Variants in TSPAN13 observed in about 807,000 individuals in gnomAD.
The protein encoded by TSPAN13 is tetraspanin-13.
Under a neutral mutation model 26.9 loss-of-function variants are expected in TSPAN13, and 18 were observed. The ratio of observed to expected loss-of-function variants is 0.67; its 90% CI spans 0.46 to 0.99. The LOEUF is 0.99. Among genes scored for constraint, TSPAN13 ranks in the 50% least tolerant of loss-of-function variants. The pLI, the probability that TSPAN13 is intolerant of heterozygous loss-of-function variation, is 0.00. For missense variants in TSPAN13, 201 were observed against 249.6 expected, an observed-to-expected ratio of 0.81 and a Z score of 1.31; for synonymous variants, 116 against 98.4, an observed-to-expected ratio of 1.18 and a Z score of -1.06.
In TSPAN13 at chr7:16,776,219, T is replaced by C; in HGVS notation, c.72T>C (p.Ser24=). The C allele has an allele frequency of 1.2e-6, 2 of 1,614,022 alleles. No homozygotes were observed. The highest frequency in any genetic ancestry group is 1.7e-6 in the Non-Finnish European group (2 of 1,179,938). The change falls in exon 2 of 6, where the codon AGT becomes AGC. Residue 24 remains serine (S), a synonymous_variant. Transcript: ENST00000262067. ...CALNLLYTLV[S]LLLIGIAAWG... is the part of the protein sequence containing the mutation. ...CCTGGGTGTTTTTGCAGTTGGTTAGTCTGCTGCTAATTGGAATTGCTGCGT... is the reference window on the plus strand; with the variant it reads ...CCTGGGTGTTTTTGCAGTTGGTTAGCCTGCTGCTAATTGGAATTGCTGCGT...
At chr7:16,782,259 G>T (rs1442423723) in intron 5 of TSPAN13, among the ~76,000 whole-genome samples, 1 of 152,076 alleles carries the variant, frequency 6.6e-6, no homozygotes, top group Non-Finnish European at 1.5e-5. Flanking sequence ...GCAGACCTCA[G>T]TCCACCAGCT....
intron 5 of TSPAN13, among the ~76,000 whole-genome samples, chr7:16,780,449 C>T (rs368224462): frequency 6.6e-5 from 10 of 152,204 alleles, no homozygotes; most frequent in African/African-American, 2.4e-4. Context: ...TTAGTCTGAC[C>T]ATTTTTTCAT....
In TSPAN13 at chr7:16,776,195, C is replaced by T. The variant is rs759261227; in HGVS notation, c.64-16C>T. 1.2e-6 allele frequency: 2 copies of T among 1,612,286 alleles called. No individual in the cohort carries two copies. The highest frequency in any genetic ancestry group is 1.7e-6 in the Non-Finnish European group (2 of 1,178,636). ...CTCTCTCGTCCTCTACCCCTGCCCC[C>T]TGGGTGTTTTTGCAGTTGGTTAGTC... On this transcript the variant is annotated splice_polypyrimidine_tract_variant and intron_variant, in intron 1 of 5. Transcript: ENST00000262067.
intron 1 of TSPAN13, 147 bp downstream of exon 1, chr7:16,754,177 AT>A: frequency 2.5e-6 from 2 of 815,670 alleles, no homozygotes; most frequent in Non-Finnish European, 2.0e-6. Flanking sequence ...CGGCCTCACC[AT>A]CCGTCCCCGC....
chr7:16,757,513 A>G (rs1784492585), intron 1 of TSPAN13, among the ~76,000 whole-genome samples: 1 of 152,190 alleles, frequency 6.6e-6, no homozygotes, highest in Non-Finnish European at 1.5e-5. Context: ...CAACCAAAAA[A>G]AAGGTAGCTG....
rs1784849792 is a variant in TSPAN13 at position 16,784,435 on chromosome 7, G to A, written c.*944G>A. On this transcript the variant is annotated 3_prime_UTR_variant, in exon 6 of 6. Transcript: ENST00000262067. ...CATAATTTGAAATTGAAATCGTATT[G>A]TGTGGCTCTGTATATTCTGTTAAAA... 1 of 152,154 alleles carries A rather than the reference G, an allele frequency of 6.6e-6. No individual in the cohort carries two copies. The highest frequency in any genetic ancestry group is 1.5e-5 in the Non-Finnish European group (1 of 68,010). The allele number at this position is 152,154 out of a possible 1,614,324, so 9.4% of individuals were successfully genotyped here. A position where few individuals can be genotyped will look rare whatever the true frequency, so the allele number is the denominator to read the frequency against.
At chr7:16,774,619 G>C (rs1205601462) in intron 1 of TSPAN13, among the ~76,000 whole-genome samples, 2 of 152,196 alleles carry the variant, frequency 1.3e-5, no homozygotes, top group African/African-American at 4.8e-5. Flanking sequence ...AAATGAAACA[G>C]AGGCAAATGG....
At chr7:16,783,310 A>G (rs1784833755) in intron 5 of TSPAN13, 107 bp from the exon 6 acceptor site, 3 of 1,083,820 alleles carry the variant, frequency 2.8e-6, no homozygotes, top group South Asian at 2.9e-5. Flanking sequence ...TGAACAAAAG[A>G]TGCAAAGCGA....
intron 5 of TSPAN13, among the ~76,000 whole-genome samples, chr7:16,779,952 T>C (rs1379581970): frequency 1.3e-5 from 2 of 151,872 alleles, no homozygotes; most frequent in Non-Finnish European, 2.9e-5. Context: ...TTTGTATTTT[T>C]AGTAGAGACG....
chr7:16,768,800 T>C (rs1330990072), intron 1 of TSPAN13, among the ~76,000 whole-genome samples: 1 of 152,234 alleles, frequency 6.6e-6, no homozygotes. Flanking sequence ...TCAAAGACTA[T>C]GCTGCTGGCT....
chr7:16,755,550 T>TTA (rs1254461934), intron 1 of TSPAN13, among the ~76,000 whole-genome samples: 1 of 151,686 alleles, frequency 6.6e-6, no homozygotes, highest in Non-Finnish European at 1.5e-5. Flanking sequence ...GGTTTTTTTT[T>TTA]TTTTTTTTAA....
At chr7:16,778,220 A>G (rs954498709) in intron 4 of TSPAN13, among the ~76,000 whole-genome samples, 2 of 152,156 alleles carry the variant, frequency 1.3e-5, no homozygotes, top group African/African-American at 2.4e-5. Flanking sequence ...TCATGTGTTC[A>G]TATTTTGGGG....
rs894995274 is a variant in TSPAN13, at chr7:16,753,910, A to G, written c.-58A>G. 4 of 1,558,966 alleles carry G rather than the reference A, an allele frequency of 2.6e-6. No individual in the cohort carries two copies. The highest frequency in any genetic ancestry group is 3.5e-6 in the Non-Finnish European group (4 of 1,141,902). ...CAAAGGCAAGGACAAAGCAGCTGTC[A>G]GGGAACCTCCGCCGGAGTCGAATTT... On this transcript the variant is annotated 5_prime_UTR_variant, in exon 1 of 6. Coordinates refer to ENST00000262067, the MANE Select transcript of TSPAN13 (RefSeq NM_014399.4).
intron 1 of TSPAN13, among the ~76,000 whole-genome samples, chr7:16,766,357 C>T (rs572748515): frequency 3.3e-5 from 5 of 152,194 alleles, no homozygotes; most frequent in African/African-American, 1.2e-4. Context: ...TCTATGTTTT[C>T]TTTCACCTTT....
chr7:16,779,246 GT>G, intron 5 of TSPAN13, 130 bp downstream of exon 5: 1 of 638,294 alleles, frequency 1.6e-6, no homozygotes. Flanking sequence ...AGGAAACTTG[GT>G]TTAGAATCAG....
chr7:16,781,338 A>T (rs968409628), intron 5 of TSPAN13, among the ~76,000 whole-genome samples: 1 of 152,312 alleles, frequency 6.6e-6, no homozygotes, highest in Middle Eastern at 3.4e-3. Context: ...ATTTTTCTAC[A>T]TACATTTTCA....
chr7:16,762,575 C>A (rs1149522), intron 1 of TSPAN13, among the ~76,000 whole-genome samples: 66,027 of 151,964 alleles, frequency 0.43, 15,103 homozygotes, highest in African/African-American at 0.56. Flanking sequence ...GCTTTAAAAC[C>A]AAGACCACAA....
chr7:16,764,500 T>G (rs1262854567), intron 1 of TSPAN13, among the ~76,000 whole-genome samples: 1 of 152,126 alleles, frequency 6.6e-6, no homozygotes, highest in African/African-American at 2.4e-5. Context: ...TGTGCTCTTC[T>G]GCTTGTATGT....
chr7:16,757,681 GT>G (rs1784495473), intron 1 of TSPAN13, among the ~76,000 whole-genome samples: 1 of 152,138 alleles, frequency 6.6e-6, no homozygotes, highest in Admixed American at 6.5e-5. Flanking sequence ...ATCTTTCCAT[GT>G]TTGTTTCTTT....
Sources: allele counts gnomAD v4.1 joint callset (sites outside exome capture counted in the v4.1 genomes callset), GRCh38; gene constraint gnomAD v4.1.1; transcripts MANE v1.5; gene names NCBI Gene and HGNC (gene_info 2026-07-23, HGNC 2026-07-21).